The following ATP6V0A4 variants were observed in gnomAD, a reference collection of about 807,000 sequenced individuals.
ATP6V0A4 encodes ATPase H+ transporting V0 subunit a4.
Under a neutral mutation model 107.3 loss-of-function variants are expected in ATP6V0A4, and 86 were observed. That is an observed-to-expected ratio of 0.80 (90% CI 0.67 to 0.96). ATP6V0A4 has a LOEUF of 0.96. Ranked by LOEUF, ATP6V0A4 falls within the 40% of genes least tolerant of loss-of-function variation. ATP6V0A4 has a pLI of 0.00. For synonymous variants in ATP6V0A4, 353 were observed against 381.4 expected, an observed-to-expected ratio of 0.93 and a Z score of 0.87; for missense variants, 908 against 1,045.6, an observed-to-expected ratio of 0.87 and a Z score of 1.81.
At chr7:138,747,605 G>C (rs552512842) in intron 12 of ATP6V0A4, 41 bp from the exon 13 acceptor site, 1 of 1,607,574 alleles carries the variant, frequency 6.2e-7, no homozygotes, top group African/African-American at 1.3e-5. Flanking sequence ...CCTCAGCACA[G>C]CCTCGGGGCC....
At chr7:138,739,769 T>A (rs1805526255) in intron 14 of ATP6V0A4, 136 bp from the exon 15 acceptor site, 2 of 1,418,474 alleles carry the variant, frequency 1.4e-6, no homozygotes, top group Admixed American at 4.0e-5. Flanking sequence ...GTTCAATATC[T>A]ACTACACATC....
intron 2 of ATP6V0A4, among the ~76,000 whole-genome samples, chr7:138,785,314 C>T (rs1287809479): frequency 1.6e-4 from 24 of 145,490 alleles, no homozygotes; most frequent in Admixed American, 1.3e-3. Context: ...CTTGCTCTGT[C>T]GCCCAGTCTG....
chr7:138,734,327 C>A (rs1233233150), intron 15 of ATP6V0A4, 73 bp from the exon 16 acceptor site: 3 of 1,604,904 alleles, frequency 1.9e-6, no homozygotes, highest in Non-Finnish European at 2.6e-6. Context: ...AGGGCTACAG[C>A]ACAACTTTCC....
At chr7:138,718,279 G>GGTGTGT (rs777538832) in intron 19 of ATP6V0A4, among the ~76,000 whole-genome samples, 5 of 12,960 alleles carry the variant, frequency 3.9e-4, no homozygotes, top group Non-Finnish European at 4.9e-4. Flanking sequence ...AAGGAATGGC[G>GGTGTGT]GTGTGTGTGT....
rs10215109 is a variant in ATP6V0A4, at chr7:138,766,351, C to T, written c.291+2429G>A. 8.8e-3 allele frequency among the ~76,000 whole-genome samples: 1,331 copies of T among 151,904 alleles called. 22 individuals carry two copies. The highest frequency in any genetic ancestry group is 0.031 in the African/African-American group (1,276 of 41,442). ...TAGAGTAGCTGGGATTACAGGCATG[C>T]GCCACCCACGCCTGGCTAATATTTT... On this transcript the variant is annotated intron_variant, in intron 5 of 21. Coordinates refer to ENST00000310018, the MANE Select transcript of ATP6V0A4 (RefSeq NM_020632.3).
At chr7:138,743,140 C>T (rs1805718685) in intron 14 of ATP6V0A4, among the ~76,000 whole-genome samples, 1 of 151,954 alleles carries the variant, frequency 6.6e-6, no homozygotes, top group Admixed American at 6.6e-5. Flanking sequence ...CCTTTGAATG[C>T]CCTCAGGAAA....
At chr7:138,708,956 C>T (rs1355588771) in intron 21 of ATP6V0A4, among the ~76,000 whole-genome samples, 1 of 152,156 alleles carries the variant, frequency 6.6e-6, no homozygotes, top group Non-Finnish European at 1.5e-5. Context: ...TGCCTGTAAT[C>T]CCAGCACTTC....
chr7:138,724,902 C>T (rs1398154578), intron 18 of ATP6V0A4, among the ~76,000 whole-genome samples: 1 of 152,180 alleles, frequency 6.6e-6, no homozygotes, highest in African/African-American at 2.4e-5. Flanking sequence ...ACTAAAATCG[C>T]ACAATGCTTA....
At chr7:138,732,173 T>C (rs1255205959) in intron 17 of ATP6V0A4, among the ~76,000 whole-genome samples, 1 of 152,188 alleles carries the variant, frequency 6.6e-6, no homozygotes, top group Non-Finnish European at 1.5e-5. Flanking sequence ...ATTATTATTC[T>C]TGTTAATTTA....
At chr7:138,791,286 C>A (rs377362215) in intron 1 of ATP6V0A4, among the ~76,000 whole-genome samples, 10 of 152,014 alleles carry the variant, frequency 6.6e-5, no homozygotes, top group East Asian at 5.8e-4. Flanking sequence ...AAGGCAATAT[C>A]CAGAGTAAAA....
intron 3 of ATP6V0A4, 82 bp downstream of exon 3, chr7:138,771,049 G>A: frequency 7.5e-7 from 1 of 1,337,042 alleles, no homozygotes; most frequent in South Asian, 1.2e-5. Flanking sequence ...AATGGTTATT[G>A]TTCACCATAA....
At chr7:138,774,648 C>CATTATAT (rs887370108) in intron 2 of ATP6V0A4, among the ~76,000 whole-genome samples, 1 of 146,112 alleles carries the variant, frequency 6.8e-6, no homozygotes, top group Admixed American at 6.9e-5. Context: ...ATATTATATA[C>CATTATAT]ATTATATATT....
intron 1 of ATP6V0A4, among the ~76,000 whole-genome samples, chr7:138,797,614 C>T (rs964484057): frequency 2.0e-5 from 3 of 152,068 alleles, no homozygotes; most frequent in Admixed American, 6.6e-5. Flanking sequence ...TCCTCAAACA[C>T]GGTTCTGGGG....
chr7:138,788,661 T>G (rs2130217343), intron 1 of ATP6V0A4, among the ~76,000 whole-genome samples: 1 of 152,308 alleles, frequency 6.6e-6, no homozygotes, highest in East Asian at 1.9e-4. Context: ...CATCTTGAAC[T>G]GTAGCTCCCA....
At chr7:138,726,288 C>A (rs974277100) in intron 18 of ATP6V0A4, among the ~76,000 whole-genome samples, 17 of 152,220 alleles carry the variant, frequency 1.1e-4, no homozygotes, top group African/African-American at 4.1e-4. Flanking sequence ...CGTGCCCGGC[C>A]GAAGATTTTA....
chr7:138,787,593 A>C (rs753858785), intron 1 of ATP6V0A4, among the ~76,000 whole-genome samples: 1 of 152,052 alleles, frequency 6.6e-6, no homozygotes, highest in Non-Finnish European at 1.5e-5. Flanking sequence ...TCGAGGCTGT[A>C]ATACACTGTG....
chr7:138,778,289 T>C (rs538934658), intron 2 of ATP6V0A4, among the ~76,000 whole-genome samples: 253 of 36,254 alleles, frequency 7.0e-3, no homozygotes, highest in African/African-American at 0.021. Context: ...GGCAGGAGAA[T>C]CGCAAAGGTT....
At chr7:138,756,561 A>G in intron 8 of ATP6V0A4, 21 bp from the exon 9 acceptor site, 1 of 1,526,244 alleles carries the variant, frequency 6.6e-7, no homozygotes, top group South Asian at 1.1e-5. Flanking sequence ...AGAATAAGTT[A>G]AAAAAAAAGG....
intron 11 of ATP6V0A4, among the ~76,000 whole-genome samples, chr7:138,752,003 G>A (rs1806253141): frequency 1.3e-5 from 2 of 151,814 alleles, no homozygotes; most frequent in South Asian, 4.2e-4. Flanking sequence ...TCATAGCGAG[G>A]TCCCCATCTT....
Sources: allele counts gnomAD v4.1 joint callset (sites outside exome capture counted in the v4.1 genomes callset), GRCh38; gene constraint gnomAD v4.1.1; transcripts MANE v1.5; gene names NCBI Gene and HGNC (gene_info 2026-07-23, HGNC 2026-07-21).